The following PRMT7 variants were observed in gnomAD, a reference collection of about 807,000 sequenced individuals.
PRMT7 encodes the protein protein arginine N-methyltransferase 7.
A neutral mutation model predicts 85.4 loss-of-function variants in PRMT7; 75 were observed. That is an observed-to-expected ratio of 0.88 (90% CI 0.73 to 1.06). PRMT7 has a LOEUF of 1.06. Among genes scored for constraint, PRMT7 ranks in the 50% least tolerant of loss-of-function variants. The probability of loss-of-function intolerance (pLI) is 0.00; values close to 1 mark genes in which losing one functional copy is unlikely to be tolerated. For synonymous variants in PRMT7, 397 were observed against 359.5 expected (o/e 1.10, Z -1.18); for missense variants, 868 against 915.2 (o/e 0.95, Z 0.67).
At chr16:68,329,917 G>A (rs1261624573) in intron 6 of PRMT7, among the ~76,000 whole-genome samples, 4 of 140,510 alleles carry the variant, frequency 2.8e-5, no homozygotes, top group Admixed American at 7.0e-5. Context: ...TTTTTGAGAC[G>A]GAATCTCACT....
At chr16:68,348,482 C>T in intron 14 of PRMT7, 51 bp downstream of exon 14, 14 of 1,467,638 alleles carry the variant, frequency 9.5e-6, no homozygotes, top group South Asian at 2.3e-5. Context: ...GGGTGGTCAG[C>T]ACGGCACTGA....
Position 68,352,234 on chromosome 16 carries a change from C to T in PRMT7, c.1414-14C>T, listed in dbSNP as rs778020649. 52 of 1,611,654 alleles carry T rather than the reference C, an allele frequency of 3.2e-5. No homozygotes were observed. The highest frequency in any genetic ancestry group is 1.7e-4 in the Middle Eastern group (1 of 5,978). Reference sequence around the variant, plus strand: ...CTACTGACACCTGGGCCCTGCTTCTCGCCCATTCACCAGGTCTCTCTCCTC... The same window carrying T: ...CTACTGACACCTGGGCCCTGCTTCTTGCCCATTCACCAGGTCTCTCTCCTC... On this transcript the variant is annotated splice_polypyrimidine_tract_variant and intron_variant, in intron 14 of 18. Coordinates refer to ENST00000441236, the MANE Select transcript of PRMT7 (RefSeq NM_019023.5).
chr16:68,325,678 C>G (rs1193715627), intron 5 of PRMT7, among the ~76,000 whole-genome samples: 2 of 152,004 alleles, frequency 1.3e-5, no homozygotes, highest in Non-Finnish European at 1.5e-5. Flanking sequence ...GTAATCCCAG[C>G]TACTCAGGAG....
intron 2 of PRMT7, among the ~76,000 whole-genome samples, chr16:68,314,521 C>A (rs1191486934): frequency 6.6e-6 from 1 of 152,192 alleles, no homozygotes; most frequent in Non-Finnish European, 1.5e-5. Flanking sequence ...TGTGAGCCAC[C>A]GTGCCCAGCC....
chr16:68,344,933 T>TACACACACACACACACACACACACAC (rs368385265), intron 9 of PRMT7, among the ~76,000 whole-genome samples: 1,984 of 131,100 alleles, frequency 0.015, 25 homozygotes, highest in South Asian at 0.041. Context: ...CCTGCATCTC[T>TACACACACACACACACACACACACAC]ACACACACAC....
chr16:68,344,884 T>G (rs1250093116), intron 9 of PRMT7, among the ~76,000 whole-genome samples: 1 of 149,446 alleles, frequency 6.7e-6, no homozygotes, highest in South Asian at 2.1e-4. Flanking sequence ...TTGTTAACGT[T>G]TGCCACATCT....
At chr16:68,341,226 G>T (rs532877575) in intron 9 of PRMT7, among the ~76,000 whole-genome samples, 1 of 152,312 alleles carries the variant, frequency 6.6e-6, no homozygotes, top group African/African-American at 2.4e-5. Context: ...CAAAGGAAAA[G>T]AAAGTGGGAA....
At chr16:68,332,817 C>G (rs1449437979) in intron 6 of PRMT7, among the ~76,000 whole-genome samples, 1 of 152,182 alleles carries the variant, frequency 6.6e-6, no homozygotes, top group Non-Finnish European at 1.5e-5. Context: ...TGGCTGATAG[C>G]CAGAGCAGGG....
At chr16:68,321,342 T>G in intron 3 of PRMT7, 84 bp from the exon 4 acceptor site, 1 of 1,014,358 alleles carries the variant, frequency 9.9e-7, no homozygotes, top group East Asian at 2.6e-5. Flanking sequence ...TTGTTCTATC[T>G]GTTTAGCAAT....
chr16:68,315,651 T>C, intron 2 of PRMT7: 1 of 326,944 alleles, frequency 3.1e-6, no homozygotes, highest in Non-Finnish European at 5.8e-6. Context: ...CAGACATCTG[T>C]ATGAATCTGT....
At chr16:68,315,801 C>G in intron 2 of PRMT7, 96 bp from the exon 3 acceptor site, 1 of 618,618 alleles carries the variant, frequency 1.6e-6, no homozygotes, top group Non-Finnish European at 2.9e-6. Context: ...TTTTGTCTCC[C>G]CTTCCCCCCT....
intron 17 of PRMT7, 149 bp from the exon 18 acceptor site, chr16:68,356,552 C>T (rs1010257346): frequency 6.8e-5 from 44 of 643,456 alleles, no homozygotes; most frequent in Admixed American, 3.9e-4. Context: ...TTCTGAGGAA[C>T]GTTTATGTAA....
chr16:68,321,950 A>AT (rs751720148), intron 4 of PRMT7, among the ~76,000 whole-genome samples: 1,610 of 140,650 alleles, frequency 0.011, 26 homozygotes, highest in African/African-American at 0.035. Flanking sequence ...TGAGTTCAAC[A>AT]TTTTTTTTTT....
At chr16:68,320,762 G>C (rs1477550887) in intron 3 of PRMT7, among the ~76,000 whole-genome samples, 1 of 152,162 alleles carries the variant, frequency 6.6e-6, no homozygotes, top group Admixed American at 6.6e-5. Flanking sequence ...CTTTCTCTGA[G>C]ACTTTTTTCT....
intron 10 of PRMT7, 88 bp downstream of exon 10, chr16:68,345,890 G>A: frequency 6.4e-7 from 1 of 1,566,988 alleles, no homozygotes; most frequent in East Asian, 2.2e-5. Flanking sequence ...GGTGCCAGTG[G>A]GTTGATTTGT....
chr16:68,341,659 C>T (rs868035577), intron 9 of PRMT7, among the ~76,000 whole-genome samples: 8 of 152,114 alleles, frequency 5.3e-5, no homozygotes, highest in Non-Finnish European at 7.4e-5. Flanking sequence ...CCTGCCCCAC[C>T]GGCCTCCCAA....
chr16:68,323,220 T>TC, intron 4 of PRMT7, among the ~76,000 whole-genome samples: 1 of 64,436 alleles, frequency 1.6e-5, no homozygotes. Flanking sequence ...TTTCTTTCTT[T>TC]CTTTTTTTTT....
chr16:68,330,836 C>T (rs2083772053), intron 6 of PRMT7, among the ~76,000 whole-genome samples: 1 of 152,110 alleles, frequency 6.6e-6, no homozygotes, highest in African/African-American at 2.4e-5. Context: ...CTCAGGTGAC[C>T]AGCCTGCCTC....
chr16:68,341,135 G>A (rs926072777), intron 9 of PRMT7, among the ~76,000 whole-genome samples: 7 of 152,286 alleles, frequency 4.6e-5, no homozygotes, highest in South Asian at 2.1e-4. Flanking sequence ...TTTTTACTAT[G>A]CGTCCTTGTA....
Sources: gnomAD v4.1 joint callset for allele counts (sites outside exome capture counted in the v4.1 genomes callset) on GRCh38, gnomAD v4.1.1 for gene constraint, MANE v1.5 for transcripts, NCBI Gene and HGNC (gene_info 2026-07-23, HGNC 2026-07-21) for gene names.